Variants in CNTNAP5 observed in about 807,000 individuals in gnomAD.
CNTNAP5 encodes the protein contactin associated protein family member 5.
Under a neutral mutation model 150.2 loss-of-function variants are expected in CNTNAP5, and 72 were observed. The observed-to-expected ratio is 0.48, with a 90% CI of 0.40 to 0.58. The LOEUF (loss-of-function observed/expected upper bound fraction) is 0.58. Ranked by LOEUF, CNTNAP5 falls within the 20% of genes least tolerant of loss-of-function variation. The probability of loss-of-function intolerance (pLI) is 0.00; values close to 1 mark genes in which losing one functional copy is unlikely to be tolerated. For missense variants in CNTNAP5, 1,636 were observed against 1,626.2 expected (o/e 1.01, Z -0.10); for synonymous variants, 672 against 619.8 (o/e 1.08, Z -1.25).
intron 4 of CNTNAP5, among the ~76,000 whole-genome samples, 186 bp downstream of exon 4, chr2:124,417,776 G>A (rs2104777308): frequency 6.6e-6 from 1 of 152,294 alleles, no homozygotes; most frequent in South Asian, 2.1e-4. Context: ...AGGACTGTAG[G>A]AATGTAGTTG....
intron 21 of CNTNAP5, among the ~76,000 whole-genome samples, chr2:124,892,889 G>A (rs193059962): frequency 4.2e-4 from 64 of 152,158 alleles, no homozygotes; most frequent in African/African-American, 1.5e-3. Flanking sequence ...TAAATATGCT[G>A]TCTTGAAGAA....
chr2:124,172,446 T>G (rs1268198996), intron 1 of CNTNAP5, among the ~76,000 whole-genome samples: 1 of 152,170 alleles, frequency 6.6e-6, no homozygotes, highest in Non-Finnish European at 1.5e-5. Context: ...ATGGCCTCAC[T>G]CTATCACCCA....
At chr2:124,613,560 G>T (rs1026085190) in intron 12 of CNTNAP5, among the ~76,000 whole-genome samples, 53 of 152,196 alleles carry the variant, frequency 3.5e-4, no homozygotes, top group African/African-American at 1.3e-3. Flanking sequence ...ACAGATACTT[G>T]CAAATGGATG....
intron 3 of CNTNAP5, among the ~76,000 whole-genome samples, chr2:124,398,006 G>A (rs2104755257): frequency 6.6e-6 from 1 of 152,246 alleles, no homozygotes; most frequent in South Asian, 2.1e-4. Flanking sequence ...TACATTTTTT[G>A]TGCTTCATAA....
intron 21 of CNTNAP5, among the ~76,000 whole-genome samples, chr2:124,882,890 T>TTA (rs1677995753): frequency 1.3e-5 from 2 of 151,890 alleles, no homozygotes; most frequent in African/African-American, 4.8e-5. Context: ...AAAAAGCCCC[T>TTA]TATAAAGCAA....
chr2:124,567,576 C>A (rs575598108), intron 11 of CNTNAP5, among the ~76,000 whole-genome samples: 1 of 152,014 alleles, frequency 6.6e-6, no homozygotes, highest in African/African-American at 2.4e-5. Context: ...CAGGAGTAAC[C>A]GAATAAAAAC....
chr2:124,068,261 A>G (rs1307600009), intron 1 of CNTNAP5, among the ~76,000 whole-genome samples: 1 of 152,156 alleles, frequency 6.6e-6, no homozygotes, highest in Admixed American at 6.6e-5. Context: ...GTGTGGCACC[A>G]AGAGAGAATC....
At position 124,458,337 on chromosome 2, in the gene CNTNAP5, C is replaced by T. The variant is rs184606301; in HGVS notation, c.918+11400C>T. 8.2e-4 allele frequency among the ~76,000 whole-genome samples: 83 copies of T among 101,704 alleles called. No individual in the cohort carries two copies. In the East Asian group the frequency reaches 0.018, roughly 23 times the overall value. The allele number at this position is 101,704 out of a possible 152,430, so 66.7% of individuals were successfully genotyped here. A position where few individuals can be genotyped will look rare whatever the true frequency, so the allele number is the denominator to read the frequency against. On this transcript the variant is annotated intron_variant, in intron 6 of 23. Coordinates refer to ENST00000682447, the MANE Select transcript of CNTNAP5 (RefSeq NM_001367498.1). ...TATATAAAATGGAATACTACTCAAC[C>T]GTAAAAAGGAATGAATTAATGTCAT...
chr2:124,077,845 C>T (rs1402821337), intron 1 of CNTNAP5, among the ~76,000 whole-genome samples: 1 of 152,166 alleles, frequency 6.6e-6, no homozygotes, highest in East Asian at 1.9e-4. Flanking sequence ...TTTGACTGTA[C>T]TCCAAAGAGA....
At chr2:124,708,964 C>T (rs1460287399) in intron 13 of CNTNAP5, among the ~76,000 whole-genome samples, 1 of 152,144 alleles carries the variant, frequency 6.6e-6, no homozygotes, top group East Asian at 1.9e-4. Flanking sequence ...CTTCTGTGAA[C>T]ACTAAATCAC....
chr2:124,355,862 A>G (rs114400854), intron 3 of CNTNAP5, among the ~76,000 whole-genome samples: 2,045 of 152,318 alleles, frequency 0.013, 42 homozygotes, highest in African/African-American at 0.046. Context: ...ATGGTTAGAA[A>G]GACTGACCCT....
chr2:124,477,149 G>C (rs1693660671), intron 7 of CNTNAP5, among the ~76,000 whole-genome samples: 1 of 152,020 alleles, frequency 6.6e-6, no homozygotes, highest in Non-Finnish European at 1.5e-5. Context: ...CCTGGAATTG[G>C]AAATCTCTTC....
intron 19 of CNTNAP5, among the ~76,000 whole-genome samples, chr2:124,816,473 CTTTTTT>C (rs34089178): frequency 9.3e-6 from 1 of 107,646 alleles, no homozygotes; most frequent in South Asian, 3.1e-4. Context: ...TTGCAGCTTA[CTTTTTT>C]TTTTTTTTTT....
intron 3 of CNTNAP5, among the ~76,000 whole-genome samples, chr2:124,258,380 G>C (rs752582326): frequency 1.4e-4 from 21 of 152,238 alleles, no homozygotes; most frequent in Admixed American, 3.9e-4. Context: ...ACGCTGCTGA[G>C]GAAAGAGGAC....
chr2:124,726,273 C>T (rs917667847), intron 13 of CNTNAP5, among the ~76,000 whole-genome samples: 1 of 152,024 alleles, frequency 6.6e-6, no homozygotes, highest in Non-Finnish European at 1.5e-5. Flanking sequence ...GTTGTAATCC[C>T]CGTGTGTCAA....
At chr2:124,725,166 T>C (rs1680130078) in intron 13 of CNTNAP5, among the ~76,000 whole-genome samples, 1 of 152,052 alleles carries the variant, frequency 6.6e-6, no homozygotes, top group South Asian at 2.1e-4. Flanking sequence ...GTGTAAGAAA[T>C]GTGTGATGAT....
At chr2:124,471,588 T>C (rs1248226316) in intron 6 of CNTNAP5, among the ~76,000 whole-genome samples, 1 of 152,176 alleles carries the variant, frequency 6.6e-6, no homozygotes, top group Non-Finnish European at 1.5e-5. Context: ...TGGCCAGAAC[T>C]TCCAATACTA....
chr2:124,734,371 T>C (rs1287045447), intron 13 of CNTNAP5, among the ~76,000 whole-genome samples: 1 of 151,818 alleles, frequency 6.6e-6, no homozygotes, highest in Non-Finnish European at 1.5e-5. Flanking sequence ...CTAGTGACTT[T>C]GTGTGTGTGT....
intron 1 of CNTNAP5, among the ~76,000 whole-genome samples, chr2:124,064,324 A>G (rs79647582): frequency 6.6e-6 from 1 of 152,280 alleles, no homozygotes; most frequent in African/African-American, 2.4e-5. Flanking sequence ...TAGGGTTCCC[A>G]TAGTTTGTTT....
Sources: allele counts gnomAD v4.1 joint callset (sites outside exome capture counted in the v4.1 genomes callset), GRCh38; gene constraint gnomAD v4.1.1; transcripts MANE v1.5; gene names NCBI Gene and HGNC (gene_info 2026-07-23, HGNC 2026-07-21).